Variants in SMCO2 observed in about 807,000 individuals in gnomAD.
SMCO2 encodes single-pass membrane protein with coiled-coil domains 2.
Under a neutral mutation model 29.5 loss-of-function variants are expected in SMCO2, and 25 were observed. The observed-to-expected ratio is 0.85, with a 90% CI of 0.62 to 1.18. The LOEUF (loss-of-function observed/expected upper bound fraction) is 1.18. Among genes scored for constraint, SMCO2 ranks in the 50% most tolerant of loss-of-function variants. The pLI, the probability that SMCO2 is intolerant of heterozygous loss-of-function variation, is 0.00. For missense variants in SMCO2, 348 were observed against 344.5 expected (o/e 1.01, Z -0.08); for synonymous variants, 117 against 123.3 (o/e 0.95, Z 0.34).
chr12:27,430,783 C>T, the SMCO2 span, among the ~76,000 whole-genome samples: 1 of 151,974 alleles, frequency 6.6e-6, no homozygotes, highest in Non-Finnish European at 1.5e-5. Flanking sequence ...GGTATTATCC[C>T]CCATTTTACA....
upstream of SMCO2, among the ~76,000 whole-genome samples, chr12:27,465,482 G>T (rs538726887): frequency 3.3e-5 from 5 of 152,186 alleles, no homozygotes; most frequent in African/African-American, 1.2e-4. Context: ...ATGGAGTCTG[G>T]TTCCTAACTA....
At chr12:27,435,844 G>T in the SMCO2 span, among the ~76,000 whole-genome samples, 1 of 152,168 alleles carries the variant, frequency 6.6e-6, no homozygotes, top group Non-Finnish European at 1.5e-5. Context: ...GTGAGGCAGC[G>T]TGGGGTTCTT....
chr12:27,433,399 A>G, the SMCO2 span, among the ~76,000 whole-genome samples: 2 of 152,166 alleles, frequency 1.3e-5, no homozygotes, highest in South Asian at 4.1e-4. Flanking sequence ...AAACTTATAT[A>G]AATAGAAAGA....
intron 5 of SMCO2, among the ~76,000 whole-genome samples, chr12:27,489,777 G>A (rs1163020403): frequency 6.6e-6 from 1 of 152,068 alleles, no homozygotes; most frequent in African/African-American, 2.4e-5. Flanking sequence ...TTTGGAAATT[G>A]CAAACTATAA....
At chr12:27,456,252 T>C in the SMCO2 span, among the ~76,000 whole-genome samples, 2 of 152,162 alleles carry the variant, frequency 1.3e-5, no homozygotes, top group African/African-American at 4.8e-5. Context: ...TTGGATTATA[T>C]AAAAGACATT....
the SMCO2 span, among the ~76,000 whole-genome samples, chr12:27,459,696 T>A: frequency 1.4e-4 from 22 of 152,350 alleles, no homozygotes; most frequent in East Asian, 4.2e-3. Context: ...AGCTCTCCTA[T>A]CCCAATGGGG....
intron 7 of SMCO2, chr12:27,497,262 T>C (rs1943018108): frequency 6.6e-6 from 1 of 152,274 alleles, no homozygotes; most frequent in Admixed American, 6.6e-5. Flanking sequence ...ATCTGTGATA[T>C]CTCCTGCCAA....
At chr12:27,460,845 C>T in the SMCO2 span, among the ~76,000 whole-genome samples, 3 of 152,310 alleles carry the variant, frequency 2.0e-5, no homozygotes, top group African/African-American at 7.2e-5. Context: ...TGCCCAGAAA[C>T]CACTGCTTCC....
the SMCO2 span, among the ~76,000 whole-genome samples, chr12:27,443,744 A>G: frequency 2.6e-5 from 4 of 152,146 alleles, no homozygotes; most frequent in African/African-American, 9.6e-5. Flanking sequence ...AAATCAAGAC[A>G]CCTAGGAATC....
intron 2 of SMCO2, among the ~76,000 whole-genome samples, chr12:27,472,175 T>C (rs538351373): frequency 6.6e-6 from 1 of 152,294 alleles, no homozygotes; most frequent in East Asian, 1.9e-4. Flanking sequence ...AAATAAGAAA[T>C]TCAAAGTGCT....
At chr12:27,432,226 C>T in the SMCO2 span, among the ~76,000 whole-genome samples, 2 of 152,118 alleles carry the variant, frequency 1.3e-5, no homozygotes, top group African/African-American at 4.8e-5. Flanking sequence ...TTTCACTCCA[C>T]TTATTGTTTC....
the SMCO2 span, among the ~76,000 whole-genome samples, chr12:27,441,031 G>A: frequency 6.6e-6 from 1 of 152,164 alleles, no homozygotes; most frequent in African/African-American, 2.4e-5. Flanking sequence ...GCTGAGGTGG[G>A]CAGATCACTT....
exon 5 of SMCO2, chr12:27,488,542 A>C (rs1432537723): frequency 6.5e-7 from 1 of 1,537,856 alleles, no homozygotes; most frequent in South Asian, 1.2e-5. Context: ...AGGGACAAGC[A>C]CTGAGGTAAG....
Position 27,479,887 on chromosome 12 carries a change from G to A in SMCO2, c.362+4974G>A, listed in dbSNP as rs192006208. 1.6e-3 allele frequency among the ~76,000 whole-genome samples: 230 copies of A among 146,004 alleles called. 1 individual carries two copies. Among genetic ancestry groups the A allele is most frequent in the African/African-American group, 4.7e-3 (175 of 37,432 alleles). On this transcript the variant is annotated intron_variant, in intron 4 of 7. Transcript: ENST00000298876. Reference sequence around the variant, plus strand: ...CTTCATAAATTACGCAGTCTCACACGTCTTTACTAGCAGCATGAGAATAGA... The same window carrying A: ...CTTCATAAATTACGCAGTCTCACACATCTTTACTAGCAGCATGAGAATAGA...
the SMCO2 span, among the ~76,000 whole-genome samples, chr12:27,444,678 A>G: frequency 1.9e-4 from 29 of 152,330 alleles, no homozygotes; most frequent in Admixed American, 3.9e-4. Flanking sequence ...TCAAAAGGAC[A>G]GGCAGTAACA....
chr12:27,428,572 TAAAA>T, the SMCO2 span, among the ~76,000 whole-genome samples: 12 of 147,458 alleles, frequency 8.1e-5, 1 homozygote, highest in South Asian at 1.1e-3. Flanking sequence ...TTTTTTTTTT[TAAAA>T]TACTCAGCCA....
chr12:27,472,159 G>A (rs982651679), intron 2 of SMCO2, among the ~76,000 whole-genome samples: 7 of 152,092 alleles, frequency 4.6e-5, no homozygotes, highest in Non-Finnish European at 8.8e-5. Flanking sequence ...TCCAAAATAG[G>A]TTATTAAATA....
intron 4 of SMCO2, among the ~76,000 whole-genome samples, chr12:27,476,204 C>T (rs1445897111): frequency 6.6e-6 from 1 of 152,120 alleles, no homozygotes; most frequent in Non-Finnish European, 1.5e-5. Context: ...TAGTTTTATT[C>T]CAGTGTAATC....
chr12:27,451,609 C>T, the SMCO2 span, among the ~76,000 whole-genome samples: 2 of 152,198 alleles, frequency 1.3e-5, no homozygotes, highest in South Asian at 2.1e-4. Context: ...AGCTTAGGAA[C>T]GCTGGACAGT....
Sources: allele counts gnomAD v4.1 joint callset (sites outside exome capture counted in the v4.1 genomes callset), GRCh38; gene constraint gnomAD v4.1.1; transcripts MANE v1.5; gene names NCBI Gene and HGNC (gene_info 2026-07-23, HGNC 2026-07-21).